DNAJC3: variants seen among roughly 807,000 people sequenced by gnomAD.
DNAJC3 encodes DnaJ heat shock protein family (Hsp40) member C3.
Under a neutral mutation model 68.6 loss-of-function variants are expected in DNAJC3, and 38 were observed. The ratio of observed to expected loss-of-function variants is 0.55; its 90% CI spans 0.43 to 0.73. The LOEUF (loss-of-function observed/expected upper bound fraction) is 0.73. DNAJC3 is among the 30% of genes least tolerant of loss of function. DNAJC3 has a pLI of 0.00. For synonymous variants in DNAJC3, 203 were observed against 204.0 expected (o/e 1.00, Z 0.04); for missense variants, 526 against 591.9 (o/e 0.89, Z 1.16).
intron 9 of DNAJC3, among the ~76,000 whole-genome samples, chr13:95,770,920 T>C (rs994636898): frequency 2.6e-5 from 4 of 152,142 alleles, no homozygotes; most frequent in Non-Finnish European, 1.5e-5. Flanking sequence ...ATTATGACAG[T>C]CTCACAGCAG....
At chr13:95,704,819 C>T (rs1311232296) in intron 1 of DNAJC3, among the ~76,000 whole-genome samples, 1 of 143,214 alleles carries the variant, frequency 7.0e-6, no homozygotes, top group Non-Finnish European at 1.5e-5. Context: ...TCAGTTTTTT[C>T]AGTTTTAGAA....
intron 4 of DNAJC3, among the ~76,000 whole-genome samples, chr13:95,726,613 G>A (rs1343408740): frequency 1.3e-5 from 2 of 152,132 alleles, no homozygotes; most frequent in African/African-American, 4.8e-5. Flanking sequence ...GTTAGGGAAT[G>A]TTACAGATTT....
intron 7 of DNAJC3, among the ~76,000 whole-genome samples, chr13:95,762,615 TTTC>T (rs1347299175): frequency 1.8e-4 from 27 of 152,312 alleles, no homozygotes; most frequent in Admixed American, 1.3e-4. Context: ...GCTTTTTTGT[TTTC>T]TTCTTTAAGT....
At chr13:95,680,064 C>T (rs1470061922) in intron 1 of DNAJC3, among the ~76,000 whole-genome samples, 12 of 152,148 alleles carry the variant, frequency 7.9e-5, no homozygotes, top group Admixed American at 7.9e-4. Context: ...AAGTCTAAAG[C>T]ACTAGATGAG....
chr13:95,783,391 A>G (rs923469229), intron 9 of DNAJC3, among the ~76,000 whole-genome samples: 1 of 152,238 alleles, frequency 6.6e-6, no homozygotes, highest in African/African-American at 2.4e-5. Context: ...AACATGTTTT[A>G]AATATAGAGT....
Position 95,793,306 on chromosome 13 carries a change from TG to T in DNAJC3, c.*2277del, listed in dbSNP as rs1455610540. ...TTGATGGCTGTCGGCAGTTTTCTGG[TG>T]TCCACCCAAACGGAGAGACAGTCAC... is the stretch of plus-strand genomic sequence containing the variant. On this transcript the variant is annotated 3_prime_UTR_variant, in exon 12 of 12. Coordinates refer to ENST00000602402, the MANE Select transcript of DNAJC3 (RefSeq NM_006260.5). 6.6e-6 allele frequency: 1 copy of T among 152,136 alleles called. No homozygotes were observed. 9.4% of individuals were successfully genotyped at this position (152,136 alleles called of 1,614,324 possible).
At chr13:95,744,134 A>G (rs1882233368) in intron 4 of DNAJC3, among the ~76,000 whole-genome samples, 1 of 152,060 alleles carries the variant, frequency 6.6e-6, no homozygotes. Flanking sequence ...CTCCTTCAGT[A>G]TTTTTCATCA....
intron 2 of DNAJC3, among the ~76,000 whole-genome samples, chr13:95,717,363 A>G (rs1485565036): frequency 6.6e-6 from 1 of 152,176 alleles, no homozygotes; most frequent in East Asian, 1.9e-4. Flanking sequence ...GAGGACAAAC[A>G]TTACTGTTTA....
chr13:95,780,078 ACT>A (rs1289034325), intron 9 of DNAJC3, among the ~76,000 whole-genome samples: 1 of 151,976 alleles, frequency 6.6e-6, no homozygotes, highest in African/African-American at 2.4e-5. Flanking sequence ...CAGTCGCAGT[ACT>A]CTCTGCTTCA....
chr13:95,723,256 A>T lies in DNAJC3; in HGVS notation c.208A>T (p.Asn70Tyr). 2 of 1,600,758 alleles carry T rather than the reference A, an allele frequency of 1.2e-6. No individual in the cohort carries two copies. Among genetic ancestry groups the T allele is most frequent in the Non-Finnish European group, 1.7e-6 (2 of 1,171,674 alleles). Reference sequence around the variant, plus strand: ...TTAATTTTCAGATGGTGACCCTGATAACTATATTGCTTATTATCGGAGGGC... The same window carrying T: ...TTAATTTTCAGATGGTGACCCTGATTACTATATTGCTTATTATCGGAGGGC... ...FHAAVDGDPD[N>Y]YIAYYRRATV... Residue 70 changes from asparagine (N) to tyrosine (Y), a missense_variant, in exon 3 of 12, where the codon AAC (asparagine) becomes TAC (tyrosine). Transcript: ENST00000602402.
chr13:95,777,209 G>A (rs975538372), intron 9 of DNAJC3, among the ~76,000 whole-genome samples: 13 of 152,122 alleles, frequency 8.5e-5, no homozygotes, highest in African/African-American at 2.2e-4. Context: ...CATGTATCTC[G>A]TAGTTATTGT....
intron 1 of DNAJC3, among the ~76,000 whole-genome samples, chr13:95,702,356 A>G (rs955172941): frequency 2.6e-5 from 4 of 152,214 alleles, no homozygotes; most frequent in Non-Finnish European, 5.9e-5. Flanking sequence ...TAAAGGAGAA[A>G]TGCGTTGGCT....
chr13:95,723,124 T>G, intron 2 of DNAJC3, 118 bp from the exon 3 acceptor site: 1 of 937,004 alleles, frequency 1.1e-6, no homozygotes, highest in Non-Finnish European at 1.5e-6. Context: ...ATGAGATTCT[T>G]TTCTTAATGT....
intron 4 of DNAJC3, among the ~76,000 whole-genome samples, chr13:95,753,102 G>C (rs929348039): frequency 1.3e-5 from 2 of 151,946 alleles, no homozygotes; most frequent in Admixed American, 6.6e-5. Flanking sequence ...CTTCCCTCCT[G>C]CTCTCTCCCC....
intron 1 of DNAJC3, among the ~76,000 whole-genome samples, chr13:95,697,072 G>C (rs147313575): frequency 4.6e-5 from 7 of 152,266 alleles, no homozygotes; most frequent in African/African-American, 1.4e-4. Flanking sequence ...AGTGTTGTTA[G>C]CTAGTTGCCT....
chr13:95,691,132 C>T (rs1880240070), intron 1 of DNAJC3, among the ~76,000 whole-genome samples: 1 of 147,446 alleles, frequency 6.8e-6, no homozygotes, highest in African/African-American at 2.5e-5. Flanking sequence ...GAGCGGCTGG[C>T]CGGGCAGGGG....
chr13:95,704,851 G>GTGTTTTTTTTTTTTTTTTTTTTTT (rs1555323371), intron 1 of DNAJC3, among the ~76,000 whole-genome samples: 4 of 97,860 alleles, frequency 4.1e-5, no homozygotes, highest in African/African-American at 2.4e-4. Flanking sequence ...GTGTGTGTGT[G>GTGTTTTTTTTTTTTTTTTTTTTTT]TTTTTTTTTT....
At chr13:95,755,464 G>T (rs1882626020) in intron 4 of DNAJC3, among the ~76,000 whole-genome samples, 1 of 150,948 alleles carries the variant, frequency 6.6e-6, no homozygotes, top group African/African-American at 2.4e-5. Context: ...TCTCTTTAAA[G>T]AATAAAAAAA....
At chr13:95,725,396 A>G (rs2139643473) in intron 4 of DNAJC3, 144 bp downstream of exon 4, 1 of 500,308 alleles carries the variant, frequency 2.0e-6, no homozygotes, top group Non-Finnish European at 3.4e-6. Flanking sequence ...CCAGATTTAT[A>G]TATTTAAGAA....
Sources: gnomAD v4.1 joint callset for allele counts (sites outside exome capture counted in the v4.1 genomes callset) on GRCh38, gnomAD v4.1.1 for gene constraint, MANE v1.5 for transcripts, NCBI Gene and HGNC (gene_info 2026-07-23, HGNC 2026-07-21) for gene names.